Variants in ADAMTSL1 observed in about 807,000 individuals in gnomAD.
The protein encoded by ADAMTSL1 is ADAMTS-like protein 1.
In ADAMTSL1, 126 loss-of-function variants were observed where a neutral mutation model predicts 201.8. The observed-to-expected ratio is 0.62, with a 90% CI of 0.54 to 0.72. The LOEUF is 0.72. ADAMTSL1 is among the 30% of genes least tolerant of loss of function. The pLI is 0.00. For synonymous variants in ADAMTSL1, 1,121 were observed against 903.4 expected (o/e 1.24, Z -4.32); for missense variants, 2,679 against 2,277.8 (o/e 1.18, Z -3.59).
At chr9:18,395,138 T>G (rs1817701216) in intron 2 of ADAMTSL1, among the ~76,000 whole-genome samples, 1 of 152,228 alleles carries the variant, frequency 6.6e-6, no homozygotes, top group African/African-American at 2.4e-5. Context: ...GTCCTTAGGC[T>G]GTTGCCAGGT....
intron 2 of ADAMTSL1, among the ~76,000 whole-genome samples, chr9:18,516,721 A>G (rs983977268): frequency 6.6e-6 from 1 of 152,204 alleles, no homozygotes; most frequent in African/African-American, 2.4e-5. Flanking sequence ...AGTGCCTGGA[A>G]CAGAACAAGT....
chr9:18,324,650 G>A (rs1009126936), intron 2 of ADAMTSL1, among the ~76,000 whole-genome samples: 1 of 151,796 alleles, frequency 6.6e-6, no homozygotes, highest in African/African-American at 2.4e-5. Flanking sequence ...TGTAATCCCA[G>A]CTACTAGGGA....
At chr9:17,995,119 G>A (rs953565568) in intron 1 of ADAMTSL1, among the ~76,000 whole-genome samples, 3 of 152,138 alleles carry the variant, frequency 2.0e-5, no homozygotes, top group Non-Finnish European at 4.4e-5. Context: ...GGAGGCAGAA[G>A]TTAAAGCCCA....
intron 2 of ADAMTSL1, among the ~76,000 whole-genome samples, chr9:18,223,048 C>G (rs1390474679): frequency 1.3e-5 from 2 of 151,868 alleles, no homozygotes; most frequent in Non-Finnish European, 2.9e-5. Flanking sequence ...TTAATTTATT[C>G]TTCCTCATTC....
chr9:18,897,897 G>T (rs1829751032), intron 26 of ADAMTSL1, among the ~76,000 whole-genome samples: 1 of 152,142 alleles, frequency 6.6e-6, no homozygotes, highest in Admixed American at 6.5e-5. Context: ...TGGATAGTAG[G>T]CTGGGTGTGG....
intron 2 of ADAMTSL1, among the ~76,000 whole-genome samples, chr9:18,261,571 T>G (rs1425940239): frequency 1.3e-5 from 2 of 152,164 alleles, no homozygotes; most frequent in African/African-American, 4.8e-5. Context: ...AAGTAAATAT[T>G]TGGTTCTGGG....
intron 2 of ADAMTSL1, among the ~76,000 whole-genome samples, chr9:18,206,021 C>CA (rs1829634074): frequency 8.1e-6 from 1 of 123,084 alleles, no homozygotes; most frequent in Admixed American, 1.0e-4. Context: ...GTCATTGCAC[C>CA]TCACCCTGGG....
chr9:18,602,058 A>G (rs1409069036), intron 4 of ADAMTSL1, among the ~76,000 whole-genome samples: 1 of 152,202 alleles, frequency 6.6e-6, no homozygotes, highest in East Asian at 1.9e-4. Flanking sequence ...TAAGCAGGGC[A>G]ATGCAGTACA....
chr9:18,296,627 A>G (rs60215638), intron 2 of ADAMTSL1, among the ~76,000 whole-genome samples: 4,867 of 152,316 alleles, frequency 0.032, 274 homozygotes, highest in African/African-American at 0.11. Flanking sequence ...AATAAAAAGA[A>G]AAAATGAGTT....
At chr9:18,121,997 G>A (rs547280039) in intron 1 of ADAMTSL1, among the ~76,000 whole-genome samples, 1 of 152,188 alleles carries the variant, frequency 6.6e-6, no homozygotes, top group Admixed American at 6.5e-5. Context: ...CCATATATCA[G>A]ATTATTCTAT....
intron 2 of ADAMTSL1, among the ~76,000 whole-genome samples, chr9:18,423,078 T>C (rs1305358297): frequency 6.6e-6 from 1 of 152,174 alleles, no homozygotes; most frequent in Non-Finnish European, 1.5e-5. Flanking sequence ...TTCTTTCCCC[T>C]TCCTGGAAAT....
At chr9:18,001,674 GAAGTGAGAA>G (rs1211733794) in intron 1 of ADAMTSL1, among the ~76,000 whole-genome samples, 1 of 151,948 alleles carries the variant, frequency 6.6e-6, no homozygotes, top group Non-Finnish European at 1.5e-5. Flanking sequence ...AATAGACAGG[GAAGTGAGAA>G]ACAATGCATA....
At chr9:18,698,447 G>T (rs1289631126) in intron 13 of ADAMTSL1, among the ~76,000 whole-genome samples, 1 of 152,030 alleles carries the variant, frequency 6.6e-6, no homozygotes, top group African/African-American at 2.4e-5. Context: ...ACCATGCCTG[G>T]CTAATTTTTT....
At chr9:18,577,952 G>A (rs1277946410) in intron 4 of ADAMTSL1, among the ~76,000 whole-genome samples, 1 of 150,740 alleles carries the variant, frequency 6.6e-6, no homozygotes, top group East Asian at 2.0e-4. Context: ...GAGATAGTTT[G>A]TCTTATGAGA....
intron 19 of ADAMTSL1, among the ~76,000 whole-genome samples, chr9:18,788,584 A>G (rs1174606214): frequency 1.3e-5 from 2 of 152,182 alleles, no homozygotes; most frequent in Non-Finnish European, 2.9e-5. Context: ...ATCTAGTAAC[A>G]TGGTAGTAAG....
chr9:18,260,875 T>C (rs1831892529), intron 2 of ADAMTSL1, among the ~76,000 whole-genome samples: 2 of 152,128 alleles, frequency 1.3e-5, no homozygotes, highest in African/African-American at 2.4e-5. Flanking sequence ...TTAGTTGTGG[T>C]TTTACTTTAC....
intron 1 of ADAMTSL1, among the ~76,000 whole-genome samples, chr9:17,922,400 A>T (rs1335941905): frequency 2.6e-5 from 4 of 152,172 alleles, no homozygotes; most frequent in African/African-American, 7.2e-5. Context: ...TCACTGAAGA[A>T]TAGATCTGTG....
chr9:18,047,218 CTAGA>C (rs1053676693), intron 1 of ADAMTSL1, among the ~76,000 whole-genome samples: 2 of 152,030 alleles, frequency 1.3e-5, no homozygotes, highest in African/African-American at 4.8e-5. Flanking sequence ...AAATTAGTAA[CTAGA>C]TAATGAAAAT....
At chr9:18,885,991 A>G (rs2131530501) in intron 23 of ADAMTSL1, among the ~76,000 whole-genome samples, 1 of 151,708 alleles carries the variant, frequency 6.6e-6, no homozygotes, top group South Asian at 2.1e-4. Flanking sequence ...TGGATTCAAA[A>G]ACAAGAAATG....
Sources: gnomAD v4.1 joint callset for allele counts (sites outside exome capture counted in the v4.1 genomes callset) on GRCh38, gnomAD v4.1.1 for gene constraint, MANE v1.5 for transcripts, NCBI Gene and HGNC (gene_info 2026-07-23, HGNC 2026-07-21) for gene names.